The following SNRPC variants were observed in gnomAD, a reference collection of about 807,000 sequenced individuals.
The protein encoded by SNRPC is U1 small nuclear ribonucleoprotein C.
A neutral mutation model predicts 20.0 loss-of-function variants in SNRPC; 5 were observed. The ratio of observed to expected loss-of-function variants is 0.25; its 90% CI spans 0.13 to 0.53. The LOEUF (loss-of-function observed/expected upper bound fraction) is 0.53. Among genes scored for constraint, SNRPC ranks in the 20% least tolerant of loss-of-function variants. SNRPC has a pLI of 0.96. For synonymous variants in SNRPC, 61 were observed against 58.7 expected, an observed-to-expected ratio of 1.04 and a Z score of -0.18; for missense variants, 112 against 224.1, an observed-to-expected ratio of 0.50 and a Z score of 3.19.
chr6:34,758,998 C>T (rs1764494044), intron 2 of SNRPC, among the ~76,000 whole-genome samples: 2 of 122,902 alleles, frequency 1.6e-5, no homozygotes, highest in Non-Finnish European at 3.1e-5. Context: ...CCAGCCTGGG[C>T]GACAGAGCGA....
rs1764551981 is a variant in SNRPC, at chr6:34,762,576, T to C, written c.52-19T>C. 1.5e-6 allele frequency: 2 copies of C among 1,323,900 alleles called. No homozygotes were observed. Among genetic ancestry groups the C allele is most frequent in the Non-Finnish European group, 2.2e-6 (2 of 918,678 alleles). 82.0% of individuals were successfully genotyped at this position (1,323,900 alleles called of 1,614,324 possible). ...TGGACATTTGTTTCTACGTCTGATA[T>C]GATCTTTTTATTTTACAGCCATCTG... On this transcript the variant is annotated intron_variant, in intron 2 of 5. Transcript: ENST00000244520.
chr6:34,772,605 TTTAG>T (rs1303309095), intron 5 of SNRPC, among the ~76,000 whole-genome samples: 3 of 152,218 alleles, frequency 2.0e-5, no homozygotes, highest in African/African-American at 4.8e-5. Flanking sequence ...ATCAAAATTA[TTTAG>T]TTAAAAATAA....
At chr6:34,770,529 T>A (rs1354699411) in intron 5 of SNRPC, 134 bp downstream of exon 5, 1 of 605,152 alleles carries the variant, frequency 1.7e-6, no homozygotes, top group Non-Finnish European at 2.9e-6. Flanking sequence ...CCTCTGAGGG[T>A]GGAATATTTA....
At chr6:34,759,073 C>T (rs567580344) in intron 2 of SNRPC, among the ~76,000 whole-genome samples, 2 of 150,072 alleles carry the variant, frequency 1.3e-5, no homozygotes, top group African/African-American at 4.9e-5. Flanking sequence ...TAATTAATGT[C>T]ACAATCTAAT....
rs144215491 is a variant in SNRPC at position 34,766,076 on chromosome 6, T to A, written c.161-1832T>A. On this transcript the variant is annotated intron_variant, in intron 3 of 5. Coordinates refer to ENST00000244520, the MANE Select transcript of SNRPC (RefSeq NM_003093.3). ...TTTCATATGAAAAAATAAACCATGA[T>A]GTAATCTTGTCTCCTTATTTGAAAA... 3.5e-3 allele frequency among the ~76,000 whole-genome samples: 538 copies of A among 152,230 alleles called. 2 individuals are homozygous for A. Among genetic ancestry groups the A allele is most frequent in the Admixed American group, 7.2e-3 (110 of 15,272 alleles).
In SNRPC at chr6:34,767,031, AT is replaced by A. The variant is rs984805671; in HGVS notation, c.161-872del. ...CTCTTGTGCTTCATCTGAAAAAAAA[AT>A]TTTTAAATTGATTGCATTAGACTTT... On this transcript the variant is annotated intron_variant, in intron 3 of 5. Transcript: ENST00000244520. Among the ~76,000 whole-genome samples, 334 of 152,166 alleles carry A rather than the reference AT, an allele frequency of 2.2e-3. 1 individual carries two copies. Among genetic ancestry groups the A allele is most frequent in the African/African-American group, 7.4e-3 (309 of 41,500 alleles).
At chr6:34,771,878 C>T (rs1764696240) in intron 5 of SNRPC, among the ~76,000 whole-genome samples, 1 of 152,148 alleles carries the variant, frequency 6.6e-6, no homozygotes, top group Non-Finnish European at 1.5e-5. Context: ...TTAAACCAGG[C>T]TCACAAATTC....
rs200484684 is a variant in SNRPC, at chr6:34,764,486, C to CA, written c.160+1792dup. Among the ~76,000 whole-genome samples, 811 of 145,814 alleles carry CA rather than the reference C, an allele frequency of 5.6e-3. 3 individuals are homozygous for CA. Among genetic ancestry groups the CA allele is most frequent in the Admixed American group, 0.01 (149 of 14,480 alleles). On this transcript the variant is annotated intron_variant, in intron 3 of 5. Coordinates refer to ENST00000244520, the MANE Select transcript of SNRPC (RefSeq NM_003093.3). Reference sequence around the variant, plus strand: ...AGGGAAACTCCGTCTCAAAAACAAACAAAAAAAAACAACAAAAAACAAAAA... The same window carrying CA: ...AGGGAAACTCCGTCTCAAAAACAAACAAAAAAAAAACAACAAAAAACAAAAA...
intron 3 of SNRPC, among the ~76,000 whole-genome samples, chr6:34,764,154 G>A (rs187003297): frequency 6.7e-6 from 1 of 149,754 alleles, no homozygotes; most frequent in East Asian, 2.0e-4. Flanking sequence ...GACCAGCTTG[G>A]CCAACATGGC....
At chr6:34,772,285 G>A (rs1231020691) in intron 5 of SNRPC, among the ~76,000 whole-genome samples, 2 of 152,196 alleles carry the variant, frequency 1.3e-5, no homozygotes, top group African/African-American at 4.8e-5. Context: ...ACTTTTGTAT[G>A]AAATCCCAAT....
At chr6:34,769,545 T>TA (rs1227895552) in intron 4 of SNRPC, among the ~76,000 whole-genome samples, 1 of 152,198 alleles carries the variant, frequency 6.6e-6, no homozygotes, top group Non-Finnish European at 1.5e-5. Flanking sequence ...TTGTAAATGA[T>TA]ACTGTCAGAA....
intron 2 of SNRPC, 119 bp downstream of exon 2, chr6:34,758,073 C>A: frequency 9.4e-7 from 1 of 1,058,440 alleles, no homozygotes; most frequent in Non-Finnish European, 1.4e-6. Flanking sequence ...AAGGTCTACT[C>A]CTTGAAGAAA....
chr6:34,770,412 G>A lies in SNRPC; in HGVS notation c.355+17G>A. On this transcript the variant is annotated intron_variant, in intron 5 of 5. Transcript: ENST00000244520. ...TGGGACCTGGTAAGTTTGAATGTCTGTCTTTCTAGTTTGTTCCATTTAGTT... is the reference window on the plus strand; with the variant it reads ...TGGGACCTGGTAAGTTTGAATGTCTATCTTTCTAGTTTGTTCCATTTAGTT... The A allele has an allele frequency of 6.7e-7, 1 of 1,503,708 alleles. No homozygotes were observed. The highest frequency in any genetic ancestry group is 9.3e-7 in the Non-Finnish European group (1 of 1,079,492). The allele number at this position is 1,503,708 out of a possible 1,614,324, so 93.1% of individuals were successfully genotyped here.
chr6:34,757,737 AGGCAACAAAAAAAAGCCT>A (rs1177050304), intron 1 of SNRPC, 157 bp from the exon 2 acceptor site: 4 of 1,515,124 alleles, frequency 2.6e-6, no homozygotes, highest in Non-Finnish European at 3.6e-6. Context: ...ATCCCGCTTA[AGGCAACAAAAAAAAGCCT>A]GGTTTATGTG....
chr6:34,770,301 T>G lies in SNRPC; in HGVS notation c.261T>G (p.Pro87=), dbSNP rs200042890. The G allele has an allele frequency of 6.0e-5, 96 of 1,611,240 alleles. 1 individual carries two copies. In the East Asian group the frequency reaches 2.0e-3, roughly 34 times the overall value. ...CATTCTTTATTTCAGCGGGTCCTCC[T>G]CGCCCTGGTATGATGCCAGCACCCC... ...IPPPPSLPGP[P]RPGMMPAPHM... is the part of the protein sequence containing the mutation. Residue 87 remains proline, a synonymous_variant, in exon 5 of 6, where the codon CCT becomes CCG. Transcript: ENST00000244520.
rs141660326 is a variant in SNRPC at position 34,767,966 on chromosome 6, A to G, written c.219A>G (p.Ala73=). Residue 73 remains alanine (A), a synonymous_variant, in exon 4 of 6, where the codon GCA becomes GCG. Transcript: ENST00000244520. ...PPTPFSAPPP[A]GAMIPPPPSL... is the part of the protein sequence containing the mutation. ...CTCCATTCTCTGCTCCTCCTCCTGC[A>G]GGGGCGATGATACCACCTCCCCCCA... The G allele has an allele frequency of 1.5e-3, 2,372 of 1,610,592 alleles. 8 individuals carry two copies. Among genetic ancestry groups the G allele is most frequent in the Admixed American group, 2.4e-3 (140 of 59,402 alleles).
intron 2 of SNRPC, among the ~76,000 whole-genome samples, chr6:34,761,042 C>T (rs1426946440): frequency 5.4e-5 from 8 of 148,590 alleles, no homozygotes; most frequent in African/African-American, 1.5e-4. Context: ...AGTGAGACTC[C>T]GTCTCAAAAA....
rs560417433 is a variant in SNRPC, at chr6:34,771,011, T to C, written c.355+616T>C. 4.6e-5 allele frequency among the ~76,000 whole-genome samples: 7 copies of C among 152,324 alleles called. No individual in the cohort carries two copies. In the East Asian group the frequency reaches 9.6e-4, roughly 21 times the overall value. ...TACATTAATTTGCAAATCTTTCTGA[T>C]ACATGAGCAGGACCTTTGCTTTGAG... is the stretch of plus-strand genomic sequence containing the variant. On this transcript the variant is annotated intron_variant, in intron 5 of 5. Coordinates refer to ENST00000244520, the MANE Select transcript of SNRPC (RefSeq NM_003093.3).
intron 3 of SNRPC, among the ~76,000 whole-genome samples, chr6:34,765,876 C>CTA (rs1253084606): frequency 6.6e-6 from 1 of 151,992 alleles, no homozygotes. Flanking sequence ...GTAGGTAGGG[C>CTA]TACAGGTGCA....
Sources: allele counts gnomAD v4.1 joint callset (sites outside exome capture counted in the v4.1 genomes callset), GRCh38; gene constraint gnomAD v4.1.1; transcripts MANE v1.5; gene names NCBI Gene and HGNC (gene_info 2026-07-23, HGNC 2026-07-21).